EDNRB: variants seen among roughly 807,000 people sequenced by gnomAD.
The protein encoded by EDNRB is endothelin receptor type B.
In EDNRB, 18 loss-of-function variants were observed where a neutral mutation model predicts 46.4. The ratio of observed to expected loss-of-function variants is 0.39; its 90% CI spans 0.27 to 0.57. The LOEUF is 0.57. Ranked by LOEUF, EDNRB falls within the 20% of genes least tolerant of loss-of-function variation. The pLI, the probability that EDNRB is intolerant of heterozygous loss-of-function variation, is 0.61. For synonymous variants in EDNRB, 213 were observed against 204.9 expected (o/e 1.04, Z -0.34); for missense variants, 434 against 537.5 (o/e 0.81, Z 1.90).
At chr13:77,930,123 A>G (rs1880351244) in intron 1 of EDNRB, among the ~76,000 whole-genome samples, 1 of 152,038 alleles carries the variant, frequency 6.6e-6, no homozygotes, top group Admixed American at 6.6e-5. Flanking sequence ...TTTTTTGATG[A>G]TCAACTATAC....
chr13:77,931,451 G>T (rs9574124), intron 1 of EDNRB, among the ~76,000 whole-genome samples: 1 of 151,802 alleles, frequency 6.6e-6, no homozygotes, highest in Admixed American at 6.6e-5. Context: ...GTAGCTGATC[G>T]GTGGGGGAAT....
At chr13:77,930,816 C>T (rs540614034) in intron 1 of EDNRB, among the ~76,000 whole-genome samples, 6 of 152,294 alleles carry the variant, frequency 3.9e-5, no homozygotes, top group Non-Finnish European at 8.8e-5. Flanking sequence ...TAAATGCATG[C>T]AGTGCCTGAA....
intron 2 of EDNRB, 38 bp from the exon 3 acceptor site, chr13:77,903,398 A>G: frequency 1.2e-6 from 2 of 1,612,144 alleles, no homozygotes; most frequent in Middle Eastern, 1.7e-4. Context: ...AAGCTGGCAT[A>G]CCTTAGTTTT....
chr13:77,921,396 C>G (rs931968511), upstream of EDNRB, among the ~76,000 whole-genome samples: 3 of 152,172 alleles, frequency 2.0e-5, no homozygotes, highest in South Asian at 6.2e-4. Context: ...GCATTAGACA[C>G]CTTTTCACAG....
intron 1 of EDNRB, among the ~76,000 whole-genome samples, chr13:77,914,943 C>A (rs2137633772): frequency 6.6e-6 from 1 of 152,170 alleles, no homozygotes; most frequent in East Asian, 1.9e-4. Flanking sequence ...CCTTAGTGTG[C>A]CAACAAGAGA....
In EDNRB at chr13:77,898,185, T is replaced by C. The variant is rs1878731668; in HGVS notation, c.*15A>G. The C allele has an allele frequency of 6.2e-7, 1 of 1,610,280 alleles. No homozygotes were observed. Among genetic ancestry groups the C allele is most frequent in the African/African-American group, 1.3e-5 (1 of 74,770 alleles). ...CCAATATAAAGAAAATGAAATACAGTGAATAGTTCTTCTTTCAAGATGAGC... is the reference window on the plus strand; with the variant it reads ...CCAATATAAAGAAAATGAAATACAGCGAATAGTTCTTCTTTCAAGATGAGC... On this transcript the variant is annotated 3_prime_UTR_variant, in exon 7 of 7. Transcript: ENST00000646607.
At chr13:77,954,534 CAG>C (rs1457893282) in intron 1 of EDNRB, among the ~76,000 whole-genome samples, 2 of 147,456 alleles carry the variant, frequency 1.4e-5, no homozygotes, top group East Asian at 3.9e-4. Context: ...ATTTTTGAGA[CAG>C]AGTCTCACTC....
chr13:77,964,330 T>C (rs1450137264), intron 1 of EDNRB, among the ~76,000 whole-genome samples: 1 of 152,162 alleles, frequency 6.6e-6, no homozygotes, highest in East Asian at 1.9e-4. Context: ...TAAAGACACA[T>C]ATGTTTATTG....
chr13:77,899,685 C>T, intron 6 of EDNRB, 174 bp downstream of exon 6: 1 of 590,416 alleles, frequency 1.7e-6, no homozygotes, highest in South Asian at 2.0e-5. Context: ...TAGGAAAAAA[C>T]AATTATAGTG....
At position 77,937,373 on chromosome 13, in the gene EDNRB, G is replaced by A. The variant is rs541134324; in HGVS notation, c.-51-18749C>T. Reference sequence around the variant, plus strand: ...ACTCGTGAAGCCAGCGGTTATCAGCGTGAGATTGGGCTAGAGAAAAAACTC... The same window carrying A: ...ACTCGTGAAGCCAGCGGTTATCAGCATGAGATTGGGCTAGAGAAAAAACTC... On this transcript the variant is annotated intron_variant, in intron 1 of 7. Transcript: ENST00000646948. 5.3e-5 allele frequency among the ~76,000 whole-genome samples: 8 copies of A among 152,322 alleles called. No individual in the cohort carries two copies. In the South Asian group the frequency reaches 8.3e-4, roughly 16 times the overall value.
chr13:77,901,258 T>G (rs1878964685), intron 3 of EDNRB, 51 bp from the exon 4 acceptor site: 1 of 1,585,018 alleles, frequency 6.3e-7, no homozygotes. Context: ...TAAGAAAATC[T>G]TATATAACAA....
intron 1 of EDNRB, among the ~76,000 whole-genome samples, chr13:77,933,728 G>A (rs1219212439): frequency 2.0e-5 from 3 of 152,102 alleles, no homozygotes; most frequent in Non-Finnish European, 2.9e-5. Flanking sequence ...AGAGATAATG[G>A]GCGATGTTTC....
At chr13:77,947,610 C>G (rs1307724445) in intron 1 of EDNRB, 1 of 152,126 alleles carries the variant, frequency 6.6e-6, no homozygotes, top group African/African-American at 2.4e-5. Flanking sequence ...TGGTTCACCT[C>G]TCCTTAGGCA....
intron 1 of EDNRB, among the ~76,000 whole-genome samples, chr13:77,940,147 A>G (rs1470143584): frequency 6.6e-6 from 1 of 152,212 alleles, no homozygotes; most frequent in Non-Finnish European, 1.5e-5. Flanking sequence ...CAAGCGAAGA[A>G]TATTAATTAA....
rs1879115034 is a variant in EDNRB, at chr13:77,903,560, C to T, written c.531G>A (p.Val177=). The change falls in exon 2 of 7, where the codon GTG becomes GTA. Residue 177 remains valine, a synonymous_variant. Coordinates refer to ENST00000646607, the MANE Select transcript of EDNRB (RefSeq NM_001122659.3). ...CCACAGAGGCTTTCTGTATGAAAGG[C>T]ACCAGCTTACACATCTCAGCTCCAA... is the stretch of plus-strand genomic sequence containing the variant. ...WPFGAEMCKL[V]PFIQKASVGI... The T allele has an allele frequency of 6.2e-7, 1 of 1,612,702 alleles. No individual in the cohort carries two copies.
chr13:77,914,258 G>T (rs1052989563), intron 1 of EDNRB, among the ~76,000 whole-genome samples: 1 of 152,052 alleles, frequency 6.6e-6, no homozygotes, highest in Non-Finnish European at 1.5e-5. Context: ...TGTTTGTCAC[G>T]ACAAAAGCTG....
At chr13:77,929,013 A>G (rs1256718906) in intron 1 of EDNRB, among the ~76,000 whole-genome samples, 1 of 152,198 alleles carries the variant, frequency 6.6e-6, no homozygotes, top group Non-Finnish European at 1.5e-5. Context: ...ACTCAGTCCT[A>G]TTTAAACGTT....
Position 77,896,693 on chromosome 13 carries a change from C to T in EDNRB, c.*1507G>A, listed in dbSNP as rs1262256053. ...GCTGGAACAAAATCAGGACCTTTTG[C>T]ATTGATGTGACGAGGCAATGACGAA... On this transcript the variant is annotated 3_prime_UTR_variant, in exon 7 of 7. Transcript: ENST00000646607. 9.0e-6 allele frequency: 13 copies of T among 1,441,656 alleles called. No individual in the cohort carries two copies. The highest frequency in any genetic ancestry group is 1.2e-5 in the Non-Finnish European group (13 of 1,103,214). 89.3% of individuals were successfully genotyped at this position (1,441,656 alleles called of 1,614,324 possible).
intron 1 of EDNRB, among the ~76,000 whole-genome samples, chr13:77,946,326 A>C (rs1027604851): frequency 6.6e-6 from 1 of 152,128 alleles, no homozygotes; most frequent in African/African-American, 2.4e-5. Context: ...AGGGGGGAAA[A>C]GGGTACAGAG....
Sources: gnomAD v4.1 joint callset for allele counts (sites outside exome capture counted in the v4.1 genomes callset) on GRCh38, gnomAD v4.1.1 for gene constraint, MANE v1.5 for transcripts, NCBI Gene and HGNC (gene_info 2026-07-23, HGNC 2026-07-21) for gene names.